The following KAZN variants were observed in gnomAD, a reference collection of about 807,000 sequenced individuals.
KAZN encodes kazrin.
A neutral mutation model predicts 87.4 loss-of-function variants in KAZN; 40 were observed. That is an observed-to-expected ratio of 0.46 (90% CI 0.36 to 0.60). The LOEUF is 0.60. Ranked by LOEUF, KAZN falls within the 20% of genes least tolerant of loss-of-function variation. The pLI, the probability that KAZN is intolerant of heterozygous loss-of-function variation, is 0.00. For synonymous variants in KAZN, 466 were observed against 458.3 expected, an observed-to-expected ratio of 1.02 and a Z score of -0.22; for missense variants, 898 against 1,073.9, an observed-to-expected ratio of 0.84 and a Z score of 2.29.
intron 1 of KAZN, among the ~76,000 whole-genome samples, chr1:14,038,054 T>C (rs1641636467): frequency 6.6e-6 from 1 of 152,212 alleles, no homozygotes; most frequent in African/African-American, 2.4e-5. Context: ...TATTCATCCA[T>C]TCATCCATCC....
At chr1:15,110,514 T>TGC (rs1557807212) in intron 13 of KAZN, among the ~76,000 whole-genome samples, 2 of 83,188 alleles carry the variant, frequency 2.4e-5, no homozygotes, top group Non-Finnish European at 2.6e-5. Flanking sequence ...TATTTGTGTG[T>TGC]TTGTGTGTAT....
intron 2 of KAZN, among the ~76,000 whole-genome samples, chr1:15,007,318 G>A (rs1669126845): frequency 6.6e-6 from 1 of 152,192 alleles, no homozygotes; most frequent in African/African-American, 2.4e-5. Flanking sequence ...TATCACCAGT[G>A]AGCTGCAGAG....
intron 2 of KAZN, among the ~76,000 whole-genome samples, chr1:14,240,747 C>A (rs1350220470): frequency 2.0e-5 from 3 of 151,122 alleles, no homozygotes; most frequent in Non-Finnish European, 4.4e-5. Context: ...CATAGCTGCA[C>A]CGGGTCACTA....
At chr1:13,906,822 T>A (rs1639453827) in intron 1 of KAZN, among the ~76,000 whole-genome samples, 1 of 152,216 alleles carries the variant, frequency 6.6e-6, no homozygotes, top group Admixed American at 6.5e-5. Flanking sequence ...ATGCTGCAGA[T>A]GCCACCATGG....
At chr1:14,225,376 A>G (rs942986263) in intron 2 of KAZN, among the ~76,000 whole-genome samples, 3 of 152,208 alleles carry the variant, frequency 2.0e-5, no homozygotes, top group Non-Finnish European at 2.9e-5. Flanking sequence ...AAAGGAGATC[A>G]GAGATGACAC....
At chr1:14,577,623 T>C (rs1675272069) in intron 2 of KAZN, among the ~76,000 whole-genome samples, 1 of 152,166 alleles carries the variant, frequency 6.6e-6, no homozygotes, top group African/African-American at 2.4e-5. Context: ...CACATGGTCA[T>C]CACAGGCCAC....
chr1:13,949,021 T>C (rs1433049971), intron 1 of KAZN, among the ~76,000 whole-genome samples: 2 of 152,180 alleles, frequency 1.3e-5, no homozygotes, highest in African/African-American at 2.4e-5. Flanking sequence ...ATGTACTCTG[T>C]GTTCAATAAA....
intron 1 of KAZN, among the ~76,000 whole-genome samples, chr1:14,123,867 T>C (rs969873094): frequency 2.6e-5 from 4 of 151,960 alleles, no homozygotes; most frequent in African/African-American, 9.7e-5. Context: ...CCTAAACCCA[T>C]CCATGCCGCC....
chr1:13,910,439 C>T (rs953654385), intron 1 of KAZN, among the ~76,000 whole-genome samples: 2 of 151,850 alleles, frequency 1.3e-5, no homozygotes, highest in Non-Finnish European at 2.9e-5. Flanking sequence ...ACCAGGGAGT[C>T]GGAGGTTGCA....
At chr1:13,927,537 C>T (rs1020196899) in intron 1 of KAZN, among the ~76,000 whole-genome samples, 3 of 152,112 alleles carry the variant, frequency 2.0e-5, no homozygotes, top group African/African-American at 7.2e-5. Flanking sequence ...ATGTCCAAAT[C>T]CCAACTTCAC....
intron 2 of KAZN, among the ~76,000 whole-genome samples, chr1:14,528,394 A>G (rs1672027356): frequency 6.6e-6 from 1 of 150,888 alleles, no homozygotes; most frequent in South Asian, 2.1e-4. Flanking sequence ...TTTCACATTT[A>G]CTGAGAATCT....
rs143450349 is a variant in KAZN at position 14,419,299 on chromosome 1, A to G, written c.250-179684A>G. On this transcript the variant is annotated intron_variant, in intron 2 of 16. Coordinates refer to the KAZN transcript ENST00000636203. ...CCCAAAGTCATAAAGCGCAAAAGAA[A>G]GAAAGGCCGGGTCTGACCCCTATTC... 2.0e-3 allele frequency among the ~76,000 whole-genome samples: 307 copies of G among 152,332 alleles called. 1 individual carries two copies. Among genetic ancestry groups the G allele is most frequent in the Non-Finnish European group, 3.6e-3 (248 of 68,030 alleles).
intron 2 of KAZN, among the ~76,000 whole-genome samples, chr1:14,551,696 A>G (rs988481369): frequency 6.6e-6 from 1 of 152,182 alleles, no homozygotes. Flanking sequence ...AGCGATTCAC[A>G]GATTTGAGAC....
intron 1 of KAZN, among the ~76,000 whole-genome samples, chr1:13,998,977 C>T (rs1639654769): frequency 6.6e-6 from 1 of 152,180 alleles, no homozygotes; most frequent in African/African-American, 2.4e-5. Flanking sequence ...TAAAACACTC[C>T]TCAGCAAATG....
chr1:14,093,612 G>T (rs921676058), intron 1 of KAZN, among the ~76,000 whole-genome samples: 30 of 152,014 alleles, frequency 2.0e-4, no homozygotes, highest in African/African-American at 6.8e-4. Flanking sequence ...ATTCTTGTAG[G>T]GGAGTTCAAA....
At chr1:14,692,216 T>C (rs1641357546) in intron 1 of KAZN, 7 of 520,444 alleles carry the variant, frequency 1.3e-5, no homozygotes, top group Non-Finnish European at 2.3e-5. Context: ...CTAACATCTG[T>C]TGAAGATCCA....
chr1:14,978,627 T>A lies in KAZN; in HGVS notation c.418+17752T>A, dbSNP rs149096324. ...TTCTGGAAATTCAGGTCCCCACCCC[T>A]GGGCTGCAGAGGGCAGTTTCGTGTT... is the stretch of plus-strand genomic sequence containing the variant. On this transcript the variant is annotated intron_variant, in intron 2 of 14. Transcript: ENST00000376030. Among the ~76,000 whole-genome samples the A allele has an allele frequency of 5.2e-3, 788 of 152,268 alleles. 10 individuals are homozygous for A. The highest frequency in any genetic ancestry group is 0.018 in the African/African-American group (747 of 41,554).
chr1:14,260,848 G>A (rs758033964), intron 2 of KAZN, among the ~76,000 whole-genome samples: 25 of 152,180 alleles, frequency 1.6e-4, no homozygotes, highest in Non-Finnish European at 2.2e-4. Flanking sequence ...TTAAGTCGCC[G>A]TCACAGGTTT....
chr1:14,983,163 C>T (rs1302760169), intron 2 of KAZN, among the ~76,000 whole-genome samples: 2 of 152,212 alleles, frequency 1.3e-5, no homozygotes, highest in Non-Finnish European at 2.9e-5. Context: ...CACCCATCCG[C>T]AGTGCCAGAA....
Sources: gnomAD v4.1 joint callset for allele counts (sites outside exome capture counted in the v4.1 genomes callset) on GRCh38, gnomAD v4.1.1 for gene constraint, MANE v1.5 for transcripts, NCBI Gene and HGNC (gene_info 2026-07-23, HGNC 2026-07-21) for gene names.